KALRN: variants seen among roughly 807,000 people sequenced by gnomAD.
The protein encoded by KALRN is kalirin RhoGEF kinase.
KALRN carries 70 observed loss-of-function variants against 353.7 expected under a neutral mutation model. That is an observed-to-expected ratio of 0.20 (90% CI 0.16 to 0.24). KALRN has a LOEUF of 0.24. KALRN is among the 10% of genes least tolerant of loss of function. KALRN has a pLI of 1.00. For missense variants in KALRN, 2,791 were observed against 3,756.7 expected, an observed-to-expected ratio of 0.74 and a Z score of 6.72; for synonymous variants, 1,391 against 1,434.8, an observed-to-expected ratio of 0.97 and a Z score of 0.69.
rs534825258 is a variant in KALRN at position 124,220,085 on chromosome 3, C to T, written c.74-7905C>T. ...TCAGCCTCCCGAGTAGTGAGGTTTA[C>T]AGGCTCACACCACCACAACTGGCTA... On this transcript the variant is annotated intron_variant, in intron 1 of 59. Coordinates refer to ENST00000682506, the MANE Select transcript of KALRN (RefSeq NM_001388419.1). Among the ~76,000 whole-genome samples the T allele has an allele frequency of 1.4e-4, 22 of 152,166 alleles. No homozygotes were observed. In the East Asian group the frequency reaches 3.7e-3, roughly 25 times the overall value.
At chr3:124,541,467 A>AT (rs1200114348) in intron 33 of KALRN, among the ~76,000 whole-genome samples, 130 of 151,892 alleles carry the variant, frequency 8.6e-4, no homozygotes, top group African/African-American at 3.1e-3. Flanking sequence ...TAAAATTAAA[A>AT]TTAAAAAAAA....
intron 13 of KALRN, among the ~76,000 whole-genome samples, chr3:124,412,582 G>A (rs1328536871): frequency 2.6e-5 from 4 of 152,236 alleles, no homozygotes; most frequent in Admixed American, 6.5e-5. Context: ...TAAAGGAAGT[G>A]TAGGATTTAG....
At chr3:124,627,808 A>G (rs150788355) in intron 34 of KALRN, among the ~76,000 whole-genome samples, 1 of 152,326 alleles carries the variant, frequency 6.6e-6, no homozygotes, top group East Asian at 1.9e-4. Context: ...CCAAGACCAC[A>G]GCCAGCAAGG....
At chr3:124,130,645 T>TC (rs1191670671) in intron 1 of KALRN, among the ~76,000 whole-genome samples, 3 of 152,046 alleles carry the variant, frequency 2.0e-5, no homozygotes, top group African/African-American at 7.2e-5. Context: ...AGATTTGAAC[T>TC]CCATCTAAAA....
At chr3:124,711,907 A>G (rs1435146912) in intron 57 of KALRN, among the ~76,000 whole-genome samples, 2 of 152,230 alleles carry the variant, frequency 1.3e-5, no homozygotes, top group Non-Finnish European at 2.9e-5. Context: ...ACTTTTGTGT[A>G]TATTAGAAAG....
rs781513962 is a variant in KALRN, at chr3:124,719,620, C to G, written c.*150C>G. The G allele has an allele frequency of 5.6e-5, 42 of 756,136 alleles. No individual in the cohort carries two copies. The highest frequency in any genetic ancestry group is 8.4e-5 in the Non-Finnish European group (40 of 477,878). The allele number at this position is 756,136 out of a possible 1,614,324, so 46.8% of individuals were successfully genotyped here. A position where few individuals can be genotyped will look rare whatever the true frequency, so the allele number is the denominator to read the frequency against. Reference sequence around the variant, plus strand: ...CTCTTAAACCTCGTCAGTGGTTATTCAGGGTCTGAGCAGCAGTAAAAGTCA... The same window carrying G: ...CTCTTAAACCTCGTCAGTGGTTATTGAGGGTCTGAGCAGCAGTAAAAGTCA... On this transcript the variant is annotated 3_prime_UTR_variant, in exon 60 of 60. Transcript: ENST00000682506. The surrounding 1 kb of genome is among the most constrained non-coding windows in gnomAD (Gnocchi z 5.3).
At chr3:124,703,928 C>G (rs2062471629) in intron 57 of KALRN, among the ~76,000 whole-genome samples, 1 of 152,146 alleles carries the variant, frequency 6.6e-6, no homozygotes, top group Admixed American at 6.5e-5. Context: ...CCTCAGTCTC[C>G]CAAAGTGTGG....
chr3:124,095,580 G>A (rs1023041457), intron 1 of KALRN, among the ~76,000 whole-genome samples: 1 of 151,932 alleles, frequency 6.6e-6, no homozygotes, highest in Admixed American at 6.6e-5. Context: ...AGATACAGCC[G>A]GTACAGAATT....
intron 3 of KALRN, among the ~76,000 whole-genome samples, chr3:124,258,295 C>T (rs192915652): frequency 6.6e-6 from 1 of 152,278 alleles, no homozygotes; most frequent in African/African-American, 2.4e-5. Context: ...GCCCCAGCAC[C>T]CCACTGAAAT....
intron 1 of KALRN, among the ~76,000 whole-genome samples, chr3:124,042,580 A>G (rs1225474689): frequency 1.3e-5 from 2 of 152,148 alleles, no homozygotes; most frequent in Non-Finnish European, 2.9e-5. Flanking sequence ...GGCATCTTGG[A>G]TGTTGATGTG....
intron 9 of KALRN, among the ~76,000 whole-genome samples, chr3:124,337,475 G>A (rs2081254616): frequency 6.6e-6 from 1 of 152,192 alleles, no homozygotes; most frequent in Non-Finnish European, 1.5e-5. Context: ...AACCAGCCTT[G>A]CATCCCAGGG....
chr3:124,491,233 C>T, intron 30 of KALRN, 90 bp from the exon 31 acceptor site: 1 of 809,262 alleles, frequency 1.2e-6, no homozygotes. Context: ...CGGTCCTCTC[C>T]TCTTTGTTGC....
chr3:124,446,478 A>G (rs1210753860), intron 20 of KALRN, among the ~76,000 whole-genome samples: 1 of 152,232 alleles, frequency 6.6e-6, no homozygotes, highest in Non-Finnish European at 1.5e-5. Flanking sequence ...AGGAGATGTG[A>G]GGAAATGCTA....
intron 57 of KALRN, among the ~76,000 whole-genome samples, chr3:124,710,018 A>G (rs1187272244): frequency 2.0e-5 from 3 of 152,252 alleles, no homozygotes; most frequent in Admixed American, 2.0e-4. Flanking sequence ...GGAAGGCAAC[A>G]GAATAATTCC....
At chr3:124,208,260 A>G (rs1383113918) in intron 1 of KALRN, among the ~76,000 whole-genome samples, 1 of 152,216 alleles carries the variant, frequency 6.6e-6, no homozygotes, top group African/African-American at 2.4e-5. Context: ...CTGTACTGGC[A>G]CTCAGCCTCT....
chr3:124,086,309 T>TTTGTG (rs377557961), intron 1 of KALRN, among the ~76,000 whole-genome samples: 1 of 141,768 alleles, frequency 7.1e-6, no homozygotes, highest in African/African-American at 2.6e-5. Flanking sequence ...GGTTGTTTTG[T>TTTGTG]TGTGTGTGTG....
intron 33 of KALRN, chr3:124,518,938 A>G: frequency 1.0e-6 from 1 of 996,362 alleles, no homozygotes; most frequent in Non-Finnish European, 1.2e-6. Flanking sequence ...ATTCTAATCT[A>G]GCTTGTATCC....
intron 1 of KALRN, among the ~76,000 whole-genome samples, chr3:124,188,926 T>C (rs566146550): frequency 6.6e-6 from 1 of 152,204 alleles, no homozygotes; most frequent in Non-Finnish European, 1.5e-5. Context: ...GTTTGCATTA[T>C]AGTTGAGGAA....
At chr3:124,409,900 G>C (rs2091978769) in intron 13 of KALRN, among the ~76,000 whole-genome samples, 1 of 152,074 alleles carries the variant, frequency 6.6e-6, no homozygotes, top group African/African-American at 2.4e-5. Flanking sequence ...GCCTGGGGGA[G>C]AGAAGGGAGG....
Sources: gnomAD v4.1 joint callset for allele counts (sites outside exome capture counted in the v4.1 genomes callset) on GRCh38, gnomAD v4.1.1 for gene constraint, Gnocchi (gnomAD v3.1) non-coding constraint, MANE v1.5 for transcripts, NCBI Gene and HGNC (gene_info 2026-07-23, HGNC 2026-07-21) for gene names.